The following SLC35F1 variants were observed in gnomAD, a reference collection of about 807,000 sequenced individuals.
SLC35F1 encodes chromosome 6 open reading frame 169.
Under a neutral mutation model 48.7 loss-of-function variants are expected in SLC35F1, and 14 were observed. The ratio of observed to expected loss-of-function variants is 0.29; its 90% confidence interval spans 0.19 to 0.45. The LOEUF (loss-of-function observed/expected upper bound fraction) is 0.45. SLC35F1 is among the 20% of genes least tolerant of loss of function. SLC35F1 has a pLI of 1.00. For synonymous variants in SLC35F1, 190 were observed against 202.2 expected, an observed-to-expected ratio of 0.94 and a Z score of 0.51; for missense variants, 404 against 500.0, an observed-to-expected ratio of 0.81 and a Z score of 1.83.
At chr6:118,301,663 A>G (rs1776255729) in intron 7 of SLC35F1, among the ~76,000 whole-genome samples, 1 of 152,236 alleles carries the variant, frequency 6.6e-6, no homozygotes, top group Non-Finnish European at 1.5e-5. Context: ...CTATATTGGT[A>G]GCTATAGATA....
At chr6:117,925,796 G>T (rs1476312711) in intron 1 of SLC35F1, among the ~76,000 whole-genome samples, 2 of 152,006 alleles carry the variant, frequency 1.3e-5, no homozygotes, top group African/African-American at 4.8e-5. Context: ...CTCTATGGTA[G>T]GTGTCATCCA....
Position 117,992,162 on chromosome 6 carries a change from C to G in SLC35F1, c.173+84263C>G, listed in dbSNP as rs531607616. Among the ~76,000 whole-genome samples the G allele has an allele frequency of 1.1e-4, 16 of 151,704 alleles. No individual in the cohort carries two copies. The South Asian group carries it at 1.2e-3, about 12-fold the overall frequency. On this transcript the variant is annotated intron_variant, in intron 1 of 7. Transcript: ENST00000360388. ...TTTCTAGGTTTACAAAAATTTTTTTCTTTCCTCTTTTCCATCTTTTTAACT... is the reference window on the plus strand; with the variant it reads ...TTTCTAGGTTTACAAAAATTTTTTTGTTTCCTCTTTTCCATCTTTTTAACT...
At chr6:117,923,763 G>GTACGTATATA (rs1775969946) in intron 1 of SLC35F1, among the ~76,000 whole-genome samples, 1 of 18,080 alleles carries the variant, frequency 5.5e-5, no homozygotes, top group Admixed American at 5.9e-4. Flanking sequence ...ATATACATAT[G>GTACGTATATA]CACATACATA....
intron 2 of SLC35F1, among the ~76,000 whole-genome samples, chr6:118,205,490 C>G (rs908215575): frequency 4.6e-5 from 7 of 152,138 alleles, no homozygotes. Flanking sequence ...ATAATACAAA[C>G]AAAAACCAGA....
chr6:117,929,345 C>A (rs1227379411), intron 1 of SLC35F1, among the ~76,000 whole-genome samples: 1 of 151,788 alleles, frequency 6.6e-6, no homozygotes, highest in Admixed American at 6.6e-5. Context: ...TAGACCAAAT[C>A]CCTGGCATTT....
chr6:118,016,906 G>A (rs1398024342), intron 1 of SLC35F1, among the ~76,000 whole-genome samples: 2 of 152,138 alleles, frequency 1.3e-5, no homozygotes, highest in South Asian at 2.1e-4. Flanking sequence ...TACCACCCTC[G>A]ACATCAATAA....
At chr6:118,049,984 G>T (rs1340569573) in intron 1 of SLC35F1, among the ~76,000 whole-genome samples, 1 of 152,112 alleles carries the variant, frequency 6.6e-6, no homozygotes, top group East Asian at 1.9e-4. Context: ...AACAACGATA[G>T]ACTGGATTAA....
Position 118,235,519 on chromosome 6 carries a change from C to T in SLC35F1, c.360C>T (p.Asn120=), listed in dbSNP as rs770687776. 1.2e-6 allele frequency: 2 copies of T among 1,612,604 alleles called. No individual in the cohort carries two copies. Among genetic ancestry groups the T allele is most frequent in the South Asian group, 2.2e-5 (2 of 90,914 alleles). Residue 120 remains asparagine (N), a synonymous_variant, in exon 3 of 8, where the codon AAC becomes AAT. Coordinates refer to ENST00000360388, the MANE Select transcript of SLC35F1 (RefSeq NM_001029858.4). ...AACTTTGTAACACAGGAGAAGAAAA[C>T]CTCCTGGCAATTTTACGACGAAGAT... ...TTLAVRQGEE[N]LLAILRRRWW...
intron 1 of SLC35F1, among the ~76,000 whole-genome samples, chr6:118,131,060 AG>A (rs1420988471): frequency 6.6e-6 from 1 of 152,180 alleles, no homozygotes; most frequent in Non-Finnish European, 1.5e-5. Flanking sequence ...CTAAAGTAGA[AG>A]GTTGGGCATA....
intron 2 of SLC35F1, among the ~76,000 whole-genome samples, chr6:118,183,693 A>G (rs1353550475): frequency 6.6e-6 from 1 of 152,120 alleles, no homozygotes; most frequent in Non-Finnish European, 1.5e-5. Context: ...CAAACTAGGT[A>G]ATTCAAGAAG....
At chr6:118,254,230 G>A (rs1382451078) in intron 3 of SLC35F1, among the ~76,000 whole-genome samples, 2 of 152,186 alleles carry the variant, frequency 1.3e-5, no homozygotes, top group Non-Finnish European at 2.9e-5. Context: ...TGGTCACTTA[G>A]TAGGCATTCA....
intron 2 of SLC35F1, among the ~76,000 whole-genome samples, chr6:118,212,765 AGG>A (rs1775021029): frequency 6.8e-6 from 1 of 146,080 alleles, no homozygotes; most frequent in African/African-American, 2.6e-5. Context: ...GAAGGAAGGA[AGG>A]AAGGAAGGAA....
In SLC35F1 at chr6:117,923,776, T is replaced by TATATGTATATATGTAC. The variant is rs1562239033; in HGVS notation, c.173+15881_173+15882insGTATATATGTACATAT. Reference sequence around the variant, plus strand: ...ATATATACATATGCACATACATATGTATATATACATATATGTACATATATA... The same window carrying TATATGTATATATGTAC: ...ATATATACATATGCACATACATATGTATATGTATATATGTACATATATACATATATGTACATATATA... On this transcript the variant is annotated intron_variant, in intron 1 of 7. Coordinates refer to ENST00000360388, the MANE Select transcript of SLC35F1 (RefSeq NM_001029858.4). Among the ~76,000 whole-genome samples the TATATGTATATATGTAC allele has an allele frequency of 2.4e-4, 18 of 74,324 alleles. 1 individual carries two copies. Among genetic ancestry groups the TATATGTATATATGTAC allele is most frequent in the African/African-American group, 1.2e-3 (18 of 14,444 alleles). 48.8% of individuals were successfully genotyped at this position (74,324 alleles called of 152,430 possible). A position where few individuals can be genotyped will look rare whatever the true frequency, so the allele number is the denominator to read the frequency against.
chr6:118,236,134 G>A (rs1775362218), intron 3 of SLC35F1, among the ~76,000 whole-genome samples: 3 of 152,108 alleles, frequency 2.0e-5, no homozygotes, highest in Non-Finnish European at 2.9e-5. Context: ...AACCTGAAGG[G>A]ACAGGATTTT....
chr6:118,108,185 CAG>C (rs1773351221), intron 1 of SLC35F1, among the ~76,000 whole-genome samples: 1 of 152,094 alleles, frequency 6.6e-6, no homozygotes, highest in African/African-American at 2.4e-5. Flanking sequence ...TTCCAAATAA[CAG>C]AGAATTTGTT....
intron 1 of SLC35F1, among the ~76,000 whole-genome samples, chr6:118,090,286 A>C (rs1044751668): frequency 6.6e-6 from 1 of 152,176 alleles, no homozygotes; most frequent in Non-Finnish European, 1.5e-5. Flanking sequence ...TGGGTTTTGA[A>C]TGCCTACCAT....
chr6:117,981,069 T>C (rs547236432), intron 1 of SLC35F1, among the ~76,000 whole-genome samples: 19 of 152,054 alleles, frequency 1.2e-4, no homozygotes, highest in Non-Finnish European at 8.8e-5. Flanking sequence ...TGAGAAAGCT[T>C]TGGTTGTAGG....
intron 1 of SLC35F1, among the ~76,000 whole-genome samples, chr6:118,032,510 T>C (rs1351906540): frequency 6.6e-6 from 1 of 152,206 alleles, no homozygotes; most frequent in Non-Finnish European, 1.5e-5. Context: ...TCCTCTGCCC[T>C]TTTTTCTGCC....
intron 1 of SLC35F1, among the ~76,000 whole-genome samples, chr6:118,031,272 T>C (rs1772042320): frequency 6.6e-6 from 1 of 152,182 alleles, no homozygotes; most frequent in South Asian, 2.1e-4. Context: ...TAAATGTATG[T>C]CTTAAACGAT....
Sources: gnomAD v4.1 joint callset for allele counts (sites outside exome capture counted in the v4.1 genomes callset) on GRCh38, gnomAD v4.1.1 for gene constraint, MANE v1.5 for transcripts, NCBI Gene and HGNC (gene_info 2026-07-23, HGNC 2026-07-21) for gene names.